Variants in GPATCH2 observed in about 807,000 individuals in gnomAD.
GPATCH2 encodes G patch domain-containing protein 2.
GPATCH2 carries 51 observed loss-of-function variants against 58.0 expected under a neutral mutation model. The observed-to-expected ratio is 0.88, with a 90% CI of 0.70 to 1.11. The LOEUF (loss-of-function observed/expected upper bound fraction) is 1.11. GPATCH2 is among the 50% of genes most tolerant of loss of function. The pLI, the probability that GPATCH2 is intolerant of heterozygous loss-of-function variation, is 0.00. For synonymous variants in GPATCH2, 222 were observed against 218.5 expected (o/e 1.02, Z -0.14); for missense variants, 625 against 652.2 (o/e 0.96, Z 0.45).
intron 8 of GPATCH2, among the ~76,000 whole-genome samples, chr1:217,485,189 G>T (rs1235706122): frequency 1.3e-5 from 2 of 152,242 alleles, no homozygotes; most frequent in African/African-American, 4.8e-5. Flanking sequence ...AGAGAATATG[G>T]ATCTCTCAGA....
At chr1:217,609,331 TCA>T (rs1220719552) in intron 5 of GPATCH2, 2 of 985,158 alleles carry the variant, frequency 2.0e-6, no homozygotes, top group African/African-American at 3.5e-5. Flanking sequence ...TGATTCAGAA[TCA>T]CACAGCATTT....
intron 8 of GPATCH2, among the ~76,000 whole-genome samples, chr1:217,485,852 G>A (rs895645209): frequency 1.3e-5 from 2 of 152,122 alleles, no homozygotes; most frequent in African/African-American, 2.4e-5. Flanking sequence ...AATCTTCTGG[G>A]ACCACTGTCA....
chr1:217,526,740 C>A (rs1019861075), intron 5 of GPATCH2, among the ~76,000 whole-genome samples: 1 of 152,158 alleles, frequency 6.6e-6, no homozygotes, highest in Non-Finnish European at 1.5e-5. Context: ...TAGCAGGGAA[C>A]CCCAACCACA....
intron 8 of GPATCH2, among the ~76,000 whole-genome samples, chr1:217,490,691 T>C (rs1182009604): frequency 6.6e-6 from 1 of 152,250 alleles, no homozygotes. Context: ...TATGGTGTTT[T>C]GTTGCTTGCT....
chr1:217,459,196 T>C (rs1299466967), intron 8 of GPATCH2, among the ~76,000 whole-genome samples: 6 of 152,330 alleles, frequency 3.9e-5, no homozygotes, highest in Admixed American at 3.9e-4. Flanking sequence ...TGACAAAGTA[T>C]CAGTTATTCT....
At chr1:217,608,889 A>G (rs963335696) in intron 5 of GPATCH2, 4 of 982,598 alleles carry the variant, frequency 4.1e-6, no homozygotes, top group African/African-American at 1.7e-5. Flanking sequence ...TAATCTCTCC[A>G]AATTAGACAA....
intron 5 of GPATCH2, among the ~76,000 whole-genome samples, chr1:217,574,765 C>T (rs1666730753): frequency 6.6e-6 from 1 of 152,122 alleles, no homozygotes; most frequent in Non-Finnish European, 1.5e-5. Flanking sequence ...TACAAAATCA[C>T]TCAGTCAATA....
chr1:217,504,571 G>C (rs990286498), intron 6 of GPATCH2, among the ~76,000 whole-genome samples: 1 of 152,152 alleles, frequency 6.6e-6, no homozygotes, highest in African/African-American at 2.4e-5. Context: ...TTGTGTGCTG[G>C]TTATCATTCT....
chr1:217,519,292 G>A (rs1663330534), intron 5 of GPATCH2, among the ~76,000 whole-genome samples: 1 of 151,986 alleles, frequency 6.6e-6, no homozygotes, highest in Admixed American at 6.6e-5. Flanking sequence ...ATTACAGAAT[G>A]GTCACAAATC....
chr1:217,524,512 C>T (rs1236615227), intron 5 of GPATCH2, among the ~76,000 whole-genome samples: 1 of 151,872 alleles, frequency 6.6e-6, no homozygotes, highest in Non-Finnish European at 1.5e-5. Context: ...AGGCAGGCTG[C>T]TGGGAGGTGG....
Position 217,428,727 on chromosome 1 carries a change from TGAA to T in GPATCH2, c.*2415_*2417del, listed in dbSNP as rs1171198537. On this transcript the variant is annotated 3_prime_UTR_variant, in exon 10 of 10. Coordinates refer to ENST00000366935, the MANE Select transcript of GPATCH2 (RefSeq NM_018040.5). ...ACATAGAGGGCTCTAGGTGTCAAGA[TGAA>T]GAAGAACTGTCTTCTATTAGCTGAA... 1 of 152,200 alleles carries T rather than the reference TGAA, an allele frequency of 6.6e-6. No homozygotes were observed. Among genetic ancestry groups the T allele is most frequent in the Non-Finnish European group, 1.5e-5 (1 of 68,040 alleles). The allele number at this position is 152,200 out of a possible 1,614,324, so 9.4% of individuals were successfully genotyped here.
chr1:217,519,399 T>C (rs1663336834), intron 5 of GPATCH2, among the ~76,000 whole-genome samples: 1 of 152,212 alleles, frequency 6.6e-6, no homozygotes, highest in Non-Finnish European at 1.5e-5. Flanking sequence ...AAAATTACTT[T>C]AGAATTGCTT....
At chr1:217,606,364 AAGAAAG>A (rs1186446306) in intron 5 of GPATCH2, among the ~76,000 whole-genome samples, 1 of 152,034 alleles carries the variant, frequency 6.6e-6, no homozygotes, top group Non-Finnish European at 1.5e-5. Flanking sequence ...GACCATATTA[AAGAAAG>A]AGGCCAGTTC....
intron 8 of GPATCH2, among the ~76,000 whole-genome samples, chr1:217,479,281 A>G (rs969398723): frequency 1.3e-5 from 2 of 152,212 alleles, no homozygotes; most frequent in Non-Finnish European, 1.5e-5. Flanking sequence ...AAGTAGAAAG[A>G]CTAAATGATG....
At chr1:217,453,326 T>C (rs1333236883) in intron 8 of GPATCH2, among the ~76,000 whole-genome samples, 1 of 152,178 alleles carries the variant, frequency 6.6e-6, no homozygotes, top group Non-Finnish European at 1.5e-5. Flanking sequence ...CAACTAGATA[T>C]GTGTTTTAGT....
chr1:217,464,010 A>AT (rs569061961), intron 8 of GPATCH2, among the ~76,000 whole-genome samples: 47 of 152,044 alleles, frequency 3.1e-4, no homozygotes, highest in Non-Finnish European at 4.9e-4. Context: ...ATGAAACATC[A>AT]TTTTTTTTCT....
chr1:217,479,850 A>G (rs1424979077), intron 8 of GPATCH2, among the ~76,000 whole-genome samples: 2 of 152,156 alleles, frequency 1.3e-5, no homozygotes, highest in East Asian at 3.9e-4. Context: ...ACCAAAAAAG[A>G]GCAGGAATAG....
intron 5 of GPATCH2, among the ~76,000 whole-genome samples, chr1:217,607,171 C>T (rs1189628908): frequency 3.3e-5 from 5 of 152,128 alleles, no homozygotes. Context: ...TATTTGTTAA[C>T]CCCAAAATCA....
At chr1:217,439,359 G>A (rs777975234) in intron 9 of GPATCH2, among the ~76,000 whole-genome samples, 2 of 152,172 alleles carry the variant, frequency 1.3e-5, no homozygotes, top group East Asian at 1.9e-4. Flanking sequence ...CTGGGACACA[G>A]CTAAAGCAGT....
Sources: gnomAD v4.1 joint callset for allele counts (sites outside exome capture counted in the v4.1 genomes callset) on GRCh38, gnomAD v4.1.1 for gene constraint, MANE v1.5 for transcripts, NCBI Gene and HGNC (gene_info 2026-07-23, HGNC 2026-07-21) for gene names.